LRRC4C: variants seen among roughly 807,000 people sequenced by gnomAD.
The protein encoded by LRRC4C is leucine rich repeat containing 4C, also known as leucine-rich repeat-containing protein 4C.
In LRRC4C, 5 loss-of-function variants were observed where a neutral mutation model predicts 33.6. That is an observed-to-expected ratio of 0.15 (90% CI 0.08 to 0.31). The LOEUF (loss-of-function observed/expected upper bound fraction) is 0.31. Among genes scored for constraint, LRRC4C ranks in the 10% least tolerant of loss-of-function variants. The probability of loss-of-function intolerance (pLI) is 1.00; values close to 1 mark genes in which losing one functional copy is unlikely to be tolerated. For missense variants in LRRC4C, 560 were observed against 796.7 expected, an observed-to-expected ratio of 0.70 and a Z score of 3.58; for synonymous variants, 329 against 302.0, an observed-to-expected ratio of 1.09 and a Z score of -0.93.
chr11:40,236,028 C>G (rs897020547), intron 5 of LRRC4C, among the ~76,000 whole-genome samples: 1 of 151,804 alleles, frequency 6.6e-6, no homozygotes, highest in African/African-American at 2.4e-5. Context: ...AAAGAGCTAC[C>G]AGGGTGCGCA....
chr11:41,400,119 C>T (rs1366347741), intron 1 of LRRC4C, among the ~76,000 whole-genome samples: 1 of 151,978 alleles, frequency 6.6e-6, no homozygotes. Context: ...AACATCTAAT[C>T]TAAGTCAGAC....
intron 4 of LRRC4C, among the ~76,000 whole-genome samples, chr11:40,271,879 G>A (rs1173733999): frequency 2.6e-5 from 4 of 152,112 alleles, no homozygotes; most frequent in Admixed American, 2.6e-4. Context: ...AAATTGAATT[G>A]AACCAGAGTG....
intron 3 of LRRC4C, among the ~76,000 whole-genome samples, chr11:40,530,858 G>A (rs1956243422): frequency 6.6e-6 from 1 of 152,144 alleles, no homozygotes; most frequent in African/African-American, 2.4e-5. Context: ...ATGTATTACA[G>A]TCACAAGTAC....
intron 1 of LRRC4C, among the ~76,000 whole-genome samples, chr11:40,978,986 C>T (rs918568457): frequency 1.3e-5 from 2 of 152,008 alleles, no homozygotes; most frequent in African/African-American, 4.8e-5. Context: ...TATATGAATT[C>T]ACTATACTTA....
intron 1 of LRRC4C, among the ~76,000 whole-genome samples, chr11:41,338,785 G>C (rs1309106967): frequency 6.6e-6 from 1 of 151,978 alleles, no homozygotes; most frequent in African/African-American, 2.4e-5. Flanking sequence ...AAGCAAACAA[G>C]CAATTTGTTT....
At chr11:40,861,728 G>T (rs1954112786) in intron 2 of LRRC4C, among the ~76,000 whole-genome samples, 1 of 152,184 alleles carries the variant, frequency 6.6e-6, no homozygotes, top group Non-Finnish European at 1.5e-5. Context: ...TCTGGTTCAT[G>T]GTTCTGCAGA....
intron 1 of LRRC4C, among the ~76,000 whole-genome samples, chr11:41,230,470 G>A (rs1947736712): frequency 1.3e-5 from 2 of 151,956 alleles, no homozygotes; most frequent in South Asian, 2.1e-4. Context: ...CATTACGGAT[G>A]CCTTAAGCAT....
Position 40,315,710 on chromosome 11 carries a change from A to G in LRRC4C, c.-176+3918T>C, listed in dbSNP as rs144382479. Among the ~76,000 whole-genome samples the G allele has an allele frequency of 4.2e-3, 644 of 152,034 alleles. 12 individuals carry two copies. The highest frequency in any genetic ancestry group is 0.015 in the African/African-American group (612 of 41,446). ...CCTGTAGATATGTCTTCATTTGTCC[A>G]CTGATTTATTTGCAATCTTAGAAAA... On this transcript the variant is annotated intron_variant, in intron 4 of 6. Coordinates refer to ENST00000528697, the MANE Select transcript of LRRC4C (RefSeq NM_001258419.2).
chr11:40,262,466 G>C (rs898666025), intron 4 of LRRC4C, among the ~76,000 whole-genome samples: 1 of 152,152 alleles, frequency 6.6e-6, no homozygotes, highest in Non-Finnish European at 1.5e-5. Flanking sequence ...ATTTGACCCA[G>C]TAATCCCATT....
At chr11:40,145,885 G>A (rs190218412) in intron 5 of LRRC4C, among the ~76,000 whole-genome samples, 1 of 152,252 alleles carries the variant, frequency 6.6e-6, no homozygotes, top group Admixed American at 6.5e-5. Flanking sequence ...TCTATGCTGG[G>A]CATATACCAG....
chr11:40,680,581 T>C (rs1173332414), intron 2 of LRRC4C, among the ~76,000 whole-genome samples: 2 of 152,178 alleles, frequency 1.3e-5, no homozygotes, highest in African/African-American at 4.8e-5. Context: ...AGAGATTTGA[T>C]GGTGTTAAAA....
At chr11:41,355,391 A>G (rs1952125090) in intron 1 of LRRC4C, among the ~76,000 whole-genome samples, 2 of 152,134 alleles carry the variant, frequency 1.3e-5, no homozygotes, top group African/African-American at 2.4e-5. Context: ...ATGTGAGGAC[A>G]TGGATAAGTG....
At chr11:41,018,309 C>G (rs563166421) in intron 1 of LRRC4C, among the ~76,000 whole-genome samples, 1 of 152,236 alleles carries the variant, frequency 6.6e-6, no homozygotes, top group South Asian at 2.1e-4. Context: ...TTAAACACTT[C>G]TAGATCAGCA....
chr11:40,212,703 G>A lies in LRRC4C; in HGVS notation c.-96+28816C>T, dbSNP rs56227238. Among the ~76,000 whole-genome samples, 165 of 152,198 alleles carry A rather than the reference G, an allele frequency of 1.1e-3. 1 individual carries two copies. Among genetic ancestry groups the A allele is most frequent in the South Asian group, 0.011 (52 of 4,810 alleles). On this transcript the variant is annotated intron_variant, in intron 5 of 6. Transcript: ENST00000528697. ...ACAACACAGCAGACACATGAGGGGC[G>A]TACTTCATTTGTCAGAAGAGAAAAC...
chr11:40,197,364 C>G (rs749047683), intron 5 of LRRC4C, among the ~76,000 whole-genome samples: 1 of 152,136 alleles, frequency 6.6e-6, no homozygotes, highest in Admixed American at 6.5e-5. Context: ...CAAACATGTG[C>G]TTTATTTACT....
intron 2 of LRRC4C, among the ~76,000 whole-genome samples, chr11:40,791,128 G>T (rs1318863108): frequency 6.6e-6 from 1 of 152,158 alleles, no homozygotes; most frequent in East Asian, 1.9e-4. Context: ...ACCTCTTCCA[G>T]AGGTGCTCAT....
chr11:41,071,715 C>G (rs1585550), intron 1 of LRRC4C, among the ~76,000 whole-genome samples: 145,873 of 152,300 alleles, frequency 0.96, 70,195 homozygotes, highest in East Asian at 1. Flanking sequence ...ATTATTTAAG[C>G]AATACATTTT....
chr11:41,078,831 G>A (rs1388318058), intron 1 of LRRC4C, among the ~76,000 whole-genome samples: 2 of 152,102 alleles, frequency 1.3e-5, no homozygotes, highest in Non-Finnish European at 2.9e-5. Flanking sequence ...AATGTTATGG[G>A]CTGTATCTTC....
intron 3 of LRRC4C, among the ~76,000 whole-genome samples, chr11:40,451,471 C>T (rs1051267477): frequency 1.6e-4 from 23 of 141,966 alleles, no homozygotes; most frequent in Middle Eastern, 3.7e-3. Context: ...CTGCAACCTC[C>T]GCCTCCTGGG....
Sources: gnomAD v4.1 joint callset for allele counts (sites outside exome capture counted in the v4.1 genomes callset) on GRCh38, gnomAD v4.1.1 for gene constraint, MANE v1.5 for transcripts, NCBI Gene and HGNC (gene_info 2026-07-23, HGNC 2026-07-21) for gene names.